Variants in PPM1F observed in about 807,000 individuals in gnomAD.
The protein encoded by PPM1F is protein phosphatase 1F.
A neutral mutation model predicts 35.5 loss-of-function variants in PPM1F; 17 were observed. That is an observed-to-expected ratio of 0.48 (90% CI 0.33 to 0.72). The LOEUF is 0.72. Ranked by LOEUF, PPM1F falls within the 30% of genes least tolerant of loss-of-function variation. The pLI is 0.02. For missense variants in PPM1F, 521 were observed against 613.0 expected (o/e 0.85, Z 1.59); for synonymous variants, 241 against 255.5 (o/e 0.94, Z 0.54).
At chr22:21,936,286 C>T (rs2070657779) in intron 3 of PPM1F, 1 of 151,802 alleles carries the variant, frequency 6.6e-6, no homozygotes, top group Non-Finnish European at 1.5e-5. Flanking sequence ...ACTACAAGTC[C>T]ATGAAAAACC....
At chr22:21,926,353 C>G (rs536865130) in intron 6 of PPM1F, among the ~76,000 whole-genome samples, 2 of 151,976 alleles carry the variant, frequency 1.3e-5, no homozygotes, top group Non-Finnish European at 2.9e-5. Flanking sequence ...AGACTGGTCT[C>G]GATCTCCTGA....
chr22:21,933,956 C>T, intron 4 of PPM1F, 68 bp downstream of exon 4: 1 of 1,449,446 alleles, frequency 6.9e-7, no homozygotes, highest in African/African-American at 1.4e-5. Flanking sequence ...CTTCTCGGTA[C>T]CTGGGGGGCC....
intron 2 of PPM1F, among the ~76,000 whole-genome samples, chr22:21,940,830 GTGAGGGGCTGTGGGAACAGGGCAGGCC>G (rs2070717480): frequency 6.6e-6 from 1 of 152,230 alleles, no homozygotes; most frequent in Non-Finnish European, 1.5e-5. Flanking sequence ...AGCTGCCGGG[GTGAGGGGCTGTGGGAACAGGGCAGGCC>G]AAGCTTTATG....
In PPM1F at chr22:21,919,979, T is replaced by A. The variant is rs2070428828; in HGVS notation, c.*3113A>T. On this transcript the variant is annotated 3_prime_UTR_variant, in exon 8 of 8. Coordinates refer to ENST00000263212, the MANE Select transcript of PPM1F (RefSeq NM_014634.4). ...CATTTCCTATCCTGGGTTCTGAGGC[T>A]GGGACTGCCTCTGGGATTCTGAGGG... The A allele has an allele frequency of 6.6e-6, 1 of 152,326 alleles. No homozygotes were observed. The highest frequency in any genetic ancestry group is 6.5e-5 in the Admixed American group (1 of 15,286). The allele number at this position is 152,326 out of a possible 1,614,324, so 9.4% of individuals were successfully genotyped here.
At chr22:21,938,252 G>A in intron 3 of PPM1F, 1 of 1,299,510 alleles carries the variant, frequency 7.7e-7, no homozygotes, top group African/African-American at 1.5e-5. Context: ...CCCATCAGGC[G>A]GGGAGGGCCT....
intron 4 of PPM1F, 63 bp downstream of exon 4, chr22:21,933,961 G>C: frequency 6.8e-7 from 1 of 1,474,336 alleles, no homozygotes; most frequent in Non-Finnish European, 9.1e-7. Flanking sequence ...CGGTACCTGG[G>C]GGGCCCCCAC....
Position 21,933,483 on chromosome 22 carries a change from G to A in PPM1F, c.655C>T (p.Arg219Cys), listed in dbSNP as rs373955365. The stretch of plus-strand genomic sequence containing the variant: ...GGGTCTGTGGGCAGCTCTGGCTGGC[G>A]GGCAGCGTTGGTGTGCACGTGGACA... ...AAVHVHTNAARQPELPTDPEG... is the reference protein window; with the variant it reads ...AAVHVHTNAACQPELPTDPEG... The change falls in exon 5 of 8, where the codon CGC becomes TGC. Residue 219 changes from arginine (R) to cysteine (C), a missense_variant. By Grantham distance (180) the Arg-to-Cys change is radical. This residue lies in a region of PPM1F where 311 missense variants were observed against 351.5 expected (regional missense o/e 0.88). Coordinates refer to ENST00000263212, the MANE Select transcript of PPM1F (RefSeq NM_014634.4). 23 of 1,613,496 alleles carry A rather than the reference G, an allele frequency of 1.4e-5. No individual in the cohort carries two copies. Among genetic ancestry groups the A allele is most frequent in the Middle Eastern group, 3.3e-4 (2 of 6,084 alleles).
At chr22:21,945,729 G>T in intron 2 of PPM1F, 114 bp downstream of exon 2, 1 of 1,096,924 alleles carries the variant, frequency 9.1e-7, no homozygotes, top group Non-Finnish European at 1.3e-6. Context: ...TAGGGATCCG[G>T]GGCTGCAGAT....
chr22:21,938,213 G>GCGC, intron 3 of PPM1F: 1 of 1,303,170 alleles, frequency 7.7e-7, no homozygotes, highest in South Asian at 1.2e-5. Flanking sequence ...CCGGCAGGTG[G>GCGC]CGCTGTCTCC....
At chr22:21,946,310 T>A (rs1477104441) in intron 1 of PPM1F, 1 of 367,026 alleles carries the variant, frequency 2.7e-6, no homozygotes, top group Non-Finnish European at 4.9e-6. Context: ...CAGGAGATGG[T>A]GCCAGGAGCA....
rs2070502882 is a variant in PPM1F at position 21,925,572 on chromosome 22, T to C, written c.982A>G (p.Ile328Val). ...VNGTLAVSRA[I>V]GDVFQKPYVS... is the part of the protein sequence containing the mutation. ...GGTCGGCCTCTTTGGCTCTCACCGA[T>C]GGCTCTGGAGACGGCCAGGGTCCCG... The change falls in exon 7 of 8, where the codon ATC becomes GTC. Residue 328 changes from isoleucine to valine, a missense_variant. Transcript: ENST00000263212. 6.2e-7 allele frequency: 1 copy of C among 1,613,806 alleles called. No homozygotes were observed. Among genetic ancestry groups the C allele is most frequent in the African/African-American group, 1.3e-5 (1 of 74,936 alleles).
chr22:21,927,569 C>G (rs945977890), intron 6 of PPM1F, among the ~76,000 whole-genome samples: 1 of 152,250 alleles, frequency 6.6e-6, no homozygotes, highest in South Asian at 2.1e-4. Context: ...GGCTCTCCCC[C>G]ACAGGGGGCC....
chr22:21,921,197 G>A lies in PPM1F; in HGVS notation c.*1895C>T, dbSNP rs1265478406. 6.6e-6 allele frequency: 1 copy of A among 152,276 alleles called. No individual in the cohort carries two copies. The highest frequency in any genetic ancestry group is 2.1e-4 in the South Asian group (1 of 4,814). 9.4% of individuals were successfully genotyped at this position (152,276 alleles called of 1,614,324 possible). On this transcript the variant is annotated 3_prime_UTR_variant, in exon 8 of 8. Coordinates refer to ENST00000263212, the MANE Select transcript of PPM1F (RefSeq NM_014634.4). ...CTCCCACCGGGAAGGCGGCTCTAGC[G>A]TGCCTCCTCGGCGAGCTGAGAGGAG...
rs1288598062 is a variant in PPM1F at position 21,927,951 on chromosome 22, T to G, written c.892-2289A>C. Among the ~76,000 whole-genome samples the G allele has an allele frequency of 4.4e-4, 44 of 98,994 alleles. 1 individual carries two copies. Among genetic ancestry groups the G allele is most frequent in the Admixed American group, 9.5e-4 (9 of 9,516 alleles). 64.9% of individuals were successfully genotyped at this position (98,994 alleles called of 152,430 possible). On this transcript the variant is annotated intron_variant, in intron 6 of 7. Coordinates refer to ENST00000263212, the MANE Select transcript of PPM1F (RefSeq NM_014634.4). Reference sequence around the variant, plus strand: ...TTCTGTTTTTTGTTTTGTTTTTTTTTTTTTTTTTTTTTTTTTTTTGGAGAC... The same window carrying G: ...TTCTGTTTTTTGTTTTGTTTTTTTTGTTTTTTTTTTTTTTTTTTTGGAGAC...
chr22:21,937,666 T>G (rs2070674729), intron 3 of PPM1F: 1 of 156,762 alleles, frequency 6.4e-6, no homozygotes, highest in African/African-American at 2.4e-5. Flanking sequence ...GGGCTCCTGG[T>G]GCTTACCAGG....
Position 21,921,115 on chromosome 22 carries a change from G to A in PPM1F, c.*1977C>T, listed in dbSNP as rs1244153199. The A allele has an allele frequency of 6.6e-6, 1 of 152,502 alleles. No homozygotes were observed. Among genetic ancestry groups the A allele is most frequent in the Non-Finnish European group, 1.5e-5 (1 of 68,014 alleles). 9.4% of individuals were successfully genotyped at this position (152,502 alleles called of 1,614,324 possible). On this transcript the variant is annotated 3_prime_UTR_variant, in exon 8 of 8. Coordinates refer to ENST00000263212, the MANE Select transcript of PPM1F (RefSeq NM_014634.4). ...TGCTGTGAGAATGAGGGGTAAGGCT[G>A]GGCATGCAGGTAGGGCCCCAGCAAA...
intron 7 of PPM1F, among the ~76,000 whole-genome samples, chr22:21,924,033 TC>T (rs2070480767): frequency 6.6e-6 from 1 of 151,952 alleles, no homozygotes; most frequent in East Asian, 1.9e-4. Flanking sequence ...TGGCCTCACT[TC>T]CTGGAGTGTC....
At chr22:21,923,715 GCT>G (rs1480252564) in intron 7 of PPM1F, among the ~76,000 whole-genome samples, 3 of 151,976 alleles carry the variant, frequency 2.0e-5, no homozygotes, top group Non-Finnish European at 4.4e-5. Context: ...ATGGAGTCTT[GCT>G]CTGTCGCCAG....
Position 21,939,139 on chromosome 22 carries a change from C to T in PPM1F, c.355+393G>A, listed in dbSNP as rs1349956718. The stretch of plus-strand genomic sequence containing the variant: ...CCAACCCTGACTTCGCCTGCCCGGG[C>T]GCATGTTAACTGAGTTACAACACTG... On this transcript the variant is annotated intron_variant, in intron 3 of 7. Transcript: ENST00000263212. The surrounding 1 kb of genome is among the most constrained non-coding windows in gnomAD (Gnocchi z 5.1). The T allele has an allele frequency of 1.7e-5, 3 of 172,078 alleles. No individual in the cohort carries two copies. The highest frequency in any genetic ancestry group is 1.7e-4 in the East Asian group (1 of 5,816). The allele number at this position is 172,078 out of a possible 1,614,324, so 10.7% of individuals were successfully genotyped here. A position where few individuals can be genotyped will look rare whatever the true frequency, so the allele number is the denominator to read the frequency against.
Sources: allele counts gnomAD v4.1 joint callset (sites outside exome capture counted in the v4.1 genomes callset), GRCh38; gene constraint gnomAD v4.1.1; regional missense constraint gnomAD v4.1.1; non-coding constraint Gnocchi (gnomAD v3.1); transcripts MANE v1.5; gene names NCBI Gene and HGNC (gene_info 2026-07-23, HGNC 2026-07-21).